The following KANK1 variants were observed in gnomAD, a reference collection of about 807,000 sequenced individuals.
KANK1 encodes KN motif and ankyrin repeat domains 1.
Under a neutral mutation model 106.2 loss-of-function variants are expected in KANK1, and 109 were observed. That is an observed-to-expected ratio of 1.03 (90% confidence interval 0.88 to 1.20). KANK1 has a LOEUF of 1.20. Ranked by LOEUF, KANK1 falls within the 50% of genes most tolerant of loss-of-function variation. The pLI is 0.00. For synonymous variants in KANK1, 873 were observed against 652.2 expected (o/e 1.34, Z -5.16); for missense variants, 2,399 against 1,710.7 (o/e 1.40, Z -7.10).
At chr9:616,794 G>A (rs1462544122) in intron 1 of KANK1, among the ~76,000 whole-genome samples, 1 of 152,176 alleles carries the variant, frequency 6.6e-6, no homozygotes, top group African/African-American at 2.4e-5. Context: ...TTATGTCGCT[G>A]CTGTTCTTTA....
chr9:597,555 T>C (rs1271197816), intron 1 of KANK1, among the ~76,000 whole-genome samples: 6 of 151,388 alleles, frequency 4.0e-5, no homozygotes, highest in African/African-American at 1.5e-4. Context: ...AAAATTGTTA[T>C]TTGTTGTTGA....
chr9:732,785 C>T (rs1277888106), intron 6 of KANK1, 168 bp downstream of exon 6: 4 of 641,866 alleles, frequency 6.2e-6, no homozygotes, highest in African/African-American at 5.5e-5. Context: ...TATTACAACT[C>T]TTAGATCTCT....
At chr9:560,471 G>C (rs1816099393) in intron 1 of KANK1, among the ~76,000 whole-genome samples, 1 of 152,190 alleles carries the variant, frequency 6.6e-6, no homozygotes, top group South Asian at 2.1e-4. Flanking sequence ...AGGGTTGAGG[G>C]TACAGGAATT....
At position 524,707 on chromosome 9, in the gene KANK1, G is replaced by A. The variant is rs949840061; in HGVS notation, c.-84+19953G>A. ...TAATTTTTGTACTTTTAATAGAGAC[G>A]GCATTTCACCATGTTGGCCAGCTGG... On this transcript the variant is annotated intron_variant, in intron 1 of 11. Coordinates refer to ENST00000382297, the MANE Select transcript of KANK1 (RefSeq NM_015158.5). Among the ~76,000 whole-genome samples, 6 of 151,528 alleles carry A rather than the reference G, an allele frequency of 4.0e-5. No individual in the cohort carries two copies. In the South Asian group the frequency reaches 6.2e-4, roughly 16 times the overall value.
intron 1 of KANK1, among the ~76,000 whole-genome samples, chr9:528,240 C>T (rs919449651): frequency 6.6e-6 from 1 of 151,788 alleles, no homozygotes; most frequent in Admixed American, 6.6e-5. Flanking sequence ...CCTTCTCAAA[C>T]TGGGAACTTA....
intron 1 of KANK1, among the ~76,000 whole-genome samples, chr9:659,023 C>T (rs1408362702): frequency 6.6e-6 from 1 of 152,232 alleles, no homozygotes; most frequent in Non-Finnish European, 1.5e-5. Flanking sequence ...TTTTCTCCTT[C>T]GTAGCATTTA....
Position 537,560 on chromosome 9 carries a change from TGAAAAA to T in KANK1, c.-84+32810_-84+32815del, listed in dbSNP as rs149779733. On this transcript the variant is annotated intron_variant, in intron 1 of 11. Transcript: ENST00000382297. ...TATAAATCTTGATTGATTCATATGT[TGAAAAA>T]GAACTCTGAAAGCTTGCACCTAAGA... 3.9e-3 allele frequency among the ~76,000 whole-genome samples: 586 copies of T among 152,180 alleles called. 5 individuals are homozygous for T. The highest frequency in any genetic ancestry group is 0.013 in the African/African-American group (556 of 41,512).
chr9:582,091 G>A (rs1370288780), intron 1 of KANK1, among the ~76,000 whole-genome samples: 1 of 152,156 alleles, frequency 6.6e-6, no homozygotes, highest in Non-Finnish European at 1.5e-5. Context: ...CTGCTCAAAT[G>A]CTGGCTGCCG....
intron 1 of KANK1, among the ~76,000 whole-genome samples, chr9:543,559 CAAAAA>C (rs57776331): frequency 8.3e-6 from 1 of 120,476 alleles, no homozygotes; most frequent in Non-Finnish European, 1.9e-5. Context: ...AACTCTGTCT[CAAAAA>C]AAAAAAAAAA....
intron 3 of KANK1, among the ~76,000 whole-genome samples, chr9:481,583 A>G (rs2058205613): frequency 6.6e-6 from 1 of 152,260 alleles, no homozygotes; most frequent in South Asian, 2.1e-4. Context: ...ATGTCCATAC[A>G]AAGGCAGCCA....
chr9:659,326 G>A (rs1258486415), intron 1 of KANK1, among the ~76,000 whole-genome samples: 22 of 152,240 alleles, frequency 1.4e-4, no homozygotes, highest in Non-Finnish European at 1.5e-5. Context: ...TTGAAGATAG[G>A]GATTTTGAGA....
At chr9:624,242 A>G (rs1040143708) in intron 1 of KANK1, among the ~76,000 whole-genome samples, 4 of 152,170 alleles carry the variant, frequency 2.6e-5, no homozygotes, top group Admixed American at 1.3e-4. Context: ...AGAAACGGTG[A>G]GATGCTGGTC....
chr9:523,170 C>T (rs1346728874), intron 1 of KANK1, among the ~76,000 whole-genome samples: 2 of 151,628 alleles, frequency 1.3e-5, no homozygotes, highest in African/African-American at 2.4e-5. Context: ...CCAGTATCTA[C>T]ACCCGAGTGT....
rs149878154 is a variant in KANK1, at chr9:486,421, G to A, written c.-362+13148G>A. Among the ~76,000 whole-genome samples the A allele has an allele frequency of 3.3e-3, 499 of 152,208 alleles. 7 individuals carry two copies. Among genetic ancestry groups the A allele is most frequent in the South Asian group, 0.031 (151 of 4,822 alleles). On this transcript the variant is annotated intron_variant, in intron 3 of 15. Transcript: ENST00000382303. ...TATGTGTCAGACCTATGCTGAGTAC[G>A]TACTGTATAAATATTAACTCATTTA...
chr9:678,789 A>T (rs1385189720), intron 2 of KANK1, among the ~76,000 whole-genome samples: 2 of 152,226 alleles, frequency 1.3e-5, no homozygotes, highest in Admixed American at 6.5e-5. Context: ...GAGAGAGGAG[A>T]TTGAAACATT....
At chr9:706,985 T>C in intron 2 of KANK1, 1 of 985,494 alleles carries the variant, frequency 1.0e-6, no homozygotes. Flanking sequence ...TTTCAGAAGA[T>C]ACCGGTTTCC....
chr9:539,335 G>A (rs766160870), intron 1 of KANK1, among the ~76,000 whole-genome samples: 3 of 152,044 alleles, frequency 2.0e-5, no homozygotes, highest in South Asian at 2.1e-4. Flanking sequence ...AGGTCACTTC[G>A]GGGAGTATGA....
At chr9:719,695 ACT>A (rs1828797054) in intron 3 of KANK1, among the ~76,000 whole-genome samples, 1 of 152,356 alleles carries the variant, frequency 6.6e-6, no homozygotes, top group Admixed American at 6.5e-5. Flanking sequence ...TACACAGAAG[ACT>A]GGAGAATTGA....
intron 1 of KANK1, among the ~76,000 whole-genome samples, chr9:619,120 C>T (rs1832552460): frequency 6.6e-6 from 1 of 152,172 alleles, no homozygotes; most frequent in African/African-American, 2.4e-5. Flanking sequence ...TTACCCAGGT[C>T]AGTTAAAAGC....
Sources: gnomAD v4.1 joint callset for allele counts (sites outside exome capture counted in the v4.1 genomes callset) on GRCh38, gnomAD v4.1.1 for gene constraint, MANE v1.5 for transcripts, NCBI Gene and HGNC (gene_info 2026-07-23, HGNC 2026-07-21) for gene names.